The following CHRM2 variants were observed in gnomAD, a reference collection of about 807,000 sequenced individuals.
CHRM2 encodes the protein cholinergic receptor muscarinic 2.
A neutral mutation model predicts 25.0 loss-of-function variants in CHRM2; 8 were observed. That is an observed-to-expected ratio of 0.32 (90% CI 0.19 to 0.58). The LOEUF is 0.58. Among genes scored for constraint, CHRM2 ranks in the 20% least tolerant of loss-of-function variants. CHRM2 has a pLI of 0.88. For synonymous variants in CHRM2, 202 were observed against 205.7 expected (o/e 0.98, Z 0.15); for missense variants, 440 against 567.1 (o/e 0.78, Z 2.28).
chr7:136,954,216 A>G (rs1009968238), intron 2 of CHRM2, among the ~76,000 whole-genome samples: 1 of 152,132 alleles, frequency 6.6e-6, no homozygotes, highest in Admixed American at 6.5e-5. Flanking sequence ...GCATATACCT[A>G]TACCTATACA....
At chr7:137,006,583 A>G (rs1247281856) in intron 3 of CHRM2, among the ~76,000 whole-genome samples, 4 of 152,030 alleles carry the variant, frequency 2.6e-5, no homozygotes, top group Admixed American at 2.6e-4. Context: ...ATTCTCTTCT[A>G]TTTGTACTGA....
intron 3 of CHRM2, among the ~76,000 whole-genome samples, chr7:137,010,018 C>G (rs939682487): frequency 7.2e-5 from 11 of 152,036 alleles, no homozygotes; most frequent in Admixed American, 6.6e-4. Flanking sequence ...ACATTAACAG[C>G]ATTTGTTTAA....
At chr7:136,990,802 T>C (rs539432420) in intron 2 of CHRM2, among the ~76,000 whole-genome samples, 1 of 152,274 alleles carries the variant, frequency 6.6e-6, no homozygotes, top group East Asian at 1.9e-4. Context: ...CACTGAATTA[T>C]CTTCCAAAGT....
At chr7:136,960,139 T>C (rs559278784) in intron 2 of CHRM2, among the ~76,000 whole-genome samples, 3 of 152,134 alleles carry the variant, frequency 2.0e-5, no homozygotes, top group Non-Finnish European at 4.4e-5. Context: ...AAGAATTAAC[T>C]CTTTACCAGT....
At chr7:137,012,026 G>A (rs1804858859) in intron 3 of CHRM2, among the ~76,000 whole-genome samples, 1 of 151,908 alleles carries the variant, frequency 6.6e-6, no homozygotes, top group Non-Finnish European at 1.5e-5. Flanking sequence ...TTCTCCAGAG[G>A]AAATTATCAA....
intron 2 of CHRM2, among the ~76,000 whole-genome samples, chr7:136,948,059 G>C (rs965647843): frequency 2.6e-5 from 4 of 152,142 alleles, no homozygotes; most frequent in African/African-American, 9.7e-5. Flanking sequence ...GGGATTGTAT[G>C]CAGCAGTAGG....
At chr7:136,974,976 G>A (rs1802020749) in intron 2 of CHRM2, among the ~76,000 whole-genome samples, 1 of 152,124 alleles carries the variant, frequency 6.6e-6, no homozygotes, top group Admixed American at 6.6e-5. Context: ...AGTATGTTAT[G>A]GGATAAAAAG....
chr7:136,993,968 G>T (rs1025753957), intron 3 of CHRM2, among the ~76,000 whole-genome samples: 1 of 152,032 alleles, frequency 6.6e-6, no homozygotes, highest in Non-Finnish European at 1.5e-5. Context: ...TAAATAAACC[G>T]ATGTGACTAT....
At chr7:137,000,730 CTT>C (rs994780362) in intron 3 of CHRM2, among the ~76,000 whole-genome samples, 3 of 140,668 alleles carry the variant, frequency 2.1e-5, no homozygotes, top group Admixed American at 7.0e-5. Context: ...GTCTGTTCAC[CTT>C]TTTTTTTTTA....
intron 2 of CHRM2, among the ~76,000 whole-genome samples, chr7:136,929,227 G>C (rs1170129711): frequency 6.6e-6 from 1 of 150,610 alleles, no homozygotes; most frequent in African/African-American, 2.4e-5. Context: ...TCAAACTTTT[G>C]GAACCTTCTC....
intron 2 of CHRM2, among the ~76,000 whole-genome samples, chr7:136,911,450 C>A (rs1797837233): frequency 6.6e-6 from 1 of 151,846 alleles, no homozygotes; most frequent in Non-Finnish European, 1.5e-5. Context: ...TATTTAGTAA[C>A]CTGCCCAGTG....
intron 2 of CHRM2, among the ~76,000 whole-genome samples, chr7:136,879,056 G>A (rs961314719): frequency 3.3e-5 from 5 of 151,844 alleles, no homozygotes; most frequent in Non-Finnish European, 7.4e-5. Flanking sequence ...CTGTCTCCTG[G>A]CAACTAACCT....
intron 2 of CHRM2, among the ~76,000 whole-genome samples, chr7:136,900,173 C>T (rs1427728362): frequency 6.6e-6 from 1 of 152,050 alleles, no homozygotes; most frequent in African/African-American, 2.4e-5. Context: ...ACTATCATCA[C>T]CACCAACAGC....
chr7:136,981,275 G>C (rs1287581990), intron 2 of CHRM2, among the ~76,000 whole-genome samples: 2 of 152,114 alleles, frequency 1.3e-5, no homozygotes, highest in Non-Finnish European at 1.5e-5. Flanking sequence ...ATTGCAGTGG[G>C]ATCAGTGGTA....
At chr7:136,983,818 A>G (rs1802653663) in intron 2 of CHRM2, among the ~76,000 whole-genome samples, 1 of 152,118 alleles carries the variant, frequency 6.6e-6, no homozygotes, top group Non-Finnish European at 1.5e-5. Context: ...GCTTCATCCC[A>G]GAGGAGCTCC....
At chr7:137,009,885 T>G (rs1270580134) in intron 3 of CHRM2, among the ~76,000 whole-genome samples, 1 of 151,952 alleles carries the variant, frequency 6.6e-6, no homozygotes, top group Non-Finnish European at 1.5e-5. Flanking sequence ...TAGTGTTACC[T>G]CTAACCCTGC....
At chr7:136,924,816 T>C (rs1438600040) in intron 2 of CHRM2, among the ~76,000 whole-genome samples, 1 of 152,180 alleles carries the variant, frequency 6.6e-6, no homozygotes, top group East Asian at 1.9e-4. Context: ...GTGAGCCACA[T>C]TTTGCTTTTC....
Position 137,014,975 on chromosome 7 carries a change from C to A in CHRM2, c.110C>A (p.Thr37Asn). ...GTGGCTGGATCCCTCAGTTTGGTGA[C>A]CATTATCGGGAACATCCTAGTCATG... ...VLVAGSLSLV[T>N]IIGNILVMVS... The change falls in exon 4 of 4, where the codon ACC becomes AAC. Residue 37 changes from threonine (T) to asparagine (N), a missense_variant. Thr to Asn is a moderately conservative substitution (Grantham distance 65). Transcript: ENST00000680005. The A allele has an allele frequency of 6.2e-7, 1 of 1,613,258 alleles. No individual in the cohort carries two copies. Among genetic ancestry groups the A allele is most frequent in the Non-Finnish European group, 8.5e-7 (1 of 1,179,550 alleles).
chr7:136,891,154 T>A (rs1424929376), intron 2 of CHRM2, among the ~76,000 whole-genome samples: 1 of 152,244 alleles, frequency 6.6e-6, no homozygotes, highest in Non-Finnish European at 1.5e-5. Context: ...TCATATGATA[T>A]ATTTGACACA....
Sources: allele counts gnomAD v4.1 joint callset (sites outside exome capture counted in the v4.1 genomes callset), GRCh38; gene constraint gnomAD v4.1.1; transcripts MANE v1.5; gene names NCBI Gene and HGNC (gene_info 2026-07-23, HGNC 2026-07-21).